Variants in EFNA5 observed in about 807,000 individuals in gnomAD.
EFNA5 encodes the protein ephrin-A5.
Under a neutral mutation model 22.9 loss-of-function variants are expected in EFNA5, and 5 were observed. That is an observed-to-expected ratio of 0.22 (90% CI 0.11 to 0.46). The LOEUF (loss-of-function observed/expected upper bound fraction) is 0.46, where lower values mean the gene tolerates loss of function less well. Ranked by LOEUF, EFNA5 falls within the 20% of genes least tolerant of loss-of-function variation. The pLI is 0.99. For missense variants in EFNA5, 237 were observed against 293.3 expected, an observed-to-expected ratio of 0.81 and a Z score of 1.40; for synonymous variants, 113 against 112.2, an observed-to-expected ratio of 1.01 and a Z score of -0.04.
chr5:107,472,985 C>T (rs1392882436), intron 1 of EFNA5, among the ~76,000 whole-genome samples: 1 of 152,124 alleles, frequency 6.6e-6, no homozygotes, highest in Non-Finnish European at 1.5e-5. Flanking sequence ...AATGGAGCCC[C>T]CAGTCTCCCT....
intron 1 of EFNA5, among the ~76,000 whole-genome samples, chr5:107,588,394 C>T (rs985320846): frequency 2.0e-5 from 3 of 152,116 alleles, no homozygotes; most frequent in Non-Finnish European, 2.9e-5. Context: ...TGATGTTCAT[C>T]CCCTATTTAT....
chr5:107,489,922 A>G (rs980532897), intron 1 of EFNA5, among the ~76,000 whole-genome samples: 3 of 152,154 alleles, frequency 2.0e-5, no homozygotes, highest in Non-Finnish European at 4.4e-5. Context: ...CTTAGTTCCA[A>G]TGTCCCCAGA....
At chr5:107,542,161 T>C (rs1268630764) in intron 1 of EFNA5, among the ~76,000 whole-genome samples, 1 of 152,110 alleles carries the variant, frequency 6.6e-6, no homozygotes, top group Non-Finnish European at 1.5e-5. Flanking sequence ...AGGGGGAAAA[T>C]AATATGTCTT....
chr5:107,651,377 C>T (rs909201192), intron 1 of EFNA5, among the ~76,000 whole-genome samples: 1 of 152,144 alleles, frequency 6.6e-6, no homozygotes. Flanking sequence ...TAGAGGGGCA[C>T]ATAAGTACTT....
At chr5:107,393,222 T>C (rs1242903060) in intron 2 of EFNA5, among the ~76,000 whole-genome samples, 3 of 152,202 alleles carry the variant, frequency 2.0e-5, no homozygotes, top group Non-Finnish European at 4.4e-5. Flanking sequence ...AAAACTTTTC[T>C]TACTACCAAA....
intron 1 of EFNA5, among the ~76,000 whole-genome samples, chr5:107,589,574 C>A (rs1365106675): frequency 6.6e-6 from 1 of 152,192 alleles, no homozygotes; most frequent in Non-Finnish European, 1.5e-5. Flanking sequence ...GTTTCTTCTG[C>A]AAAGAGGTAC....
chr5:107,559,501 C>G (rs1748492582), intron 1 of EFNA5, among the ~76,000 whole-genome samples: 2 of 152,152 alleles, frequency 1.3e-5, no homozygotes, highest in Non-Finnish European at 1.5e-5. Context: ...CCTAACAGTT[C>G]TCTCATAATT....
At chr5:107,497,503 A>G (rs1013834153) in intron 1 of EFNA5, among the ~76,000 whole-genome samples, 3 of 152,230 alleles carry the variant, frequency 2.0e-5, no homozygotes, top group African/African-American at 4.8e-5. Context: ...ATGTGGTGAG[A>G]TCTGATTAAA....
chr5:107,559,128 G>A (rs979131400), intron 1 of EFNA5, among the ~76,000 whole-genome samples: 1 of 152,156 alleles, frequency 6.6e-6, no homozygotes, highest in Admixed American at 6.5e-5. Context: ...GCCAGGACTA[G>A]GGCCAGATGC....
intron 1 of EFNA5, among the ~76,000 whole-genome samples, chr5:107,432,386 C>T (rs142525413): frequency 6.8e-4 from 103 of 152,336 alleles, no homozygotes; most frequent in Admixed American, 2.2e-3. Flanking sequence ...ACAGCCATTG[C>T]TTTAACATAT....
chr5:107,555,122 T>C (rs2112471768), intron 1 of EFNA5, among the ~76,000 whole-genome samples: 1 of 152,324 alleles, frequency 6.6e-6, no homozygotes, highest in South Asian at 2.1e-4. Flanking sequence ...GAGACAGATG[T>C]AGAGAGTTGA....
chr5:107,655,393 C>T lies in EFNA5; in HGVS notation c.125+15096G>A, dbSNP rs143755593. ...AAATCTAGCTTTCCTATGAGCACAG[C>T]GATTGTAAATATTAAAATGCTGTAC... On this transcript the variant is annotated intron_variant, in intron 1 of 4. Coordinates refer to ENST00000333274, the MANE Select transcript of EFNA5 (RefSeq NM_001962.3). 3.5e-4 allele frequency among the ~76,000 whole-genome samples: 54 copies of T among 152,122 alleles called. 1 individual carries two copies. Among genetic ancestry groups the T allele is most frequent in the African/African-American group, 1.2e-3 (51 of 41,536 alleles).
intron 1 of EFNA5, among the ~76,000 whole-genome samples, chr5:107,563,283 AG>A (rs1748588125): frequency 6.6e-6 from 1 of 152,116 alleles, no homozygotes; most frequent in East Asian, 1.9e-4. Context: ...ACTTTCCCCA[AG>A]CACCCCACTT....
intron 1 of EFNA5, among the ~76,000 whole-genome samples, chr5:107,504,467 C>T (rs901117664): frequency 6.6e-6 from 1 of 152,124 alleles, no homozygotes; most frequent in Non-Finnish European, 1.5e-5. Context: ...GGAGCTTTAT[C>T]TGCTATTCTC....
rs555748327 is a variant in EFNA5 at position 107,411,571 on chromosome 5, C to T, written c.418+15646G>A. Among the ~76,000 whole-genome samples, 12 of 152,346 alleles carry T rather than the reference C, an allele frequency of 7.9e-5. 1 individual carries two copies. The South Asian group carries it at 2.1e-3, about 26-fold the overall frequency. On this transcript the variant is annotated intron_variant, in intron 2 of 4. Transcript: ENST00000333274. Reference sequence around the variant, plus strand: ...CTTGTTTCTATATTTAAGATCCCCACCACTGTCTTGGTTCCTGTCCATCCT... The same window carrying T: ...CTTGTTTCTATATTTAAGATCCCCATCACTGTCTTGGTTCCTGTCCATCCT...
intron 1 of EFNA5, among the ~76,000 whole-genome samples, chr5:107,596,636 T>C (rs1457190685): frequency 6.6e-6 from 1 of 152,126 alleles, no homozygotes; most frequent in African/African-American, 2.4e-5. Flanking sequence ...TATTAATAAT[T>C]TTGATAATTC....
intron 4 of EFNA5, among the ~76,000 whole-genome samples, chr5:107,382,948 C>T (rs1747508911): frequency 6.6e-6 from 1 of 152,196 alleles, no homozygotes; most frequent in Non-Finnish European, 1.5e-5. Context: ...TTTGTATTTT[C>T]CTACCACACG....
At chr5:107,536,630 T>G (rs1320396165) in intron 1 of EFNA5, among the ~76,000 whole-genome samples, 3 of 152,222 alleles carry the variant, frequency 2.0e-5, no homozygotes, top group African/African-American at 4.8e-5. Flanking sequence ...GTCCAAATTC[T>G]TAAGGCAGAA....
At chr5:107,447,722 A>G (rs1749433875) in intron 1 of EFNA5, among the ~76,000 whole-genome samples, 2 of 152,240 alleles carry the variant, frequency 1.3e-5, no homozygotes, top group Non-Finnish European at 2.9e-5. Flanking sequence ...GGCAAAATGT[A>G]CAGACCCAAA....
Sources: gnomAD v4.1 joint callset for allele counts (sites outside exome capture counted in the v4.1 genomes callset) on GRCh38, gnomAD v4.1.1 for gene constraint, MANE v1.5 for transcripts, NCBI Gene and HGNC (gene_info 2026-07-23, HGNC 2026-07-21) for gene names.